The following JARID2 variants were observed in gnomAD, a reference collection of about 807,000 sequenced individuals.
JARID2 encodes the protein protein Jumonji.
Under a neutral mutation model 125.6 loss-of-function variants are expected in JARID2, and 21 were observed. The observed-to-expected ratio is 0.17, with a 90% confidence interval of 0.12 to 0.24. The LOEUF (loss-of-function observed/expected upper bound fraction) is 0.24. JARID2 is among the 10% of genes least tolerant of loss of function. The pLI, the probability that JARID2 is intolerant of heterozygous loss-of-function variation, is 1.00. For synonymous variants in JARID2, 736 were observed against 661.6 expected, an observed-to-expected ratio of 1.11 and a Z score of -1.73; for missense variants, 1,303 against 1,639.6, an observed-to-expected ratio of 0.79 and a Z score of 3.55.
intron 2 of JARID2, among the ~76,000 whole-genome samples, chr6:15,394,096 T>C (rs1473259569): frequency 6.6e-6 from 1 of 152,156 alleles, no homozygotes; most frequent in East Asian, 1.9e-4. Context: ...GATCTCATAA[T>C]TTATTGTAAA....
intron 3 of JARID2, among the ~76,000 whole-genome samples, chr6:15,449,404 G>T (rs1038014672): frequency 3.3e-5 from 5 of 152,072 alleles, no homozygotes; most frequent in African/African-American, 1.2e-4. Context: ...CCAACACTTT[G>T]GGAGGCCAAG....
chr6:15,293,760 G>A (rs981683639), intron 1 of JARID2, among the ~76,000 whole-genome samples: 1 of 152,198 alleles, frequency 6.6e-6, no homozygotes, highest in Non-Finnish European at 1.5e-5. Flanking sequence ...GTGTCTCCCT[G>A]TTTCAGAATC....
At chr6:15,255,293 CGGGGTTTCA>C (rs1479080904) in intron 1 of JARID2, among the ~76,000 whole-genome samples, 2 of 151,870 alleles carry the variant, frequency 1.3e-5, no homozygotes, top group Non-Finnish European at 2.9e-5. Context: ...TTAGTAGAGA[CGGGGTTTCA>C]CCCTGTTGGC....
At chr6:15,476,869 T>C (rs1478144854) in intron 5 of JARID2, among the ~76,000 whole-genome samples, 1 of 152,206 alleles carries the variant, frequency 6.6e-6, no homozygotes, top group Non-Finnish European at 1.5e-5. Context: ...TAAGCTCTCA[T>C]AATTGGTTAT....
intron 1 of JARID2, among the ~76,000 whole-genome samples, chr6:15,305,594 G>T (rs564144530): frequency 6.6e-6 from 1 of 152,174 alleles, no homozygotes; most frequent in Non-Finnish European, 1.5e-5. Flanking sequence ...ATGTGGTTCT[G>T]ATGTGTGAGT....
At chr6:15,328,829 G>GGGT (rs1554124490) in intron 1 of JARID2, among the ~76,000 whole-genome samples, 1 of 152,220 alleles carries the variant, frequency 6.6e-6, no homozygotes, top group Non-Finnish European at 1.5e-5. Context: ...GCTGCAGGAA[G>GGGT]GGTACCTGTC....
chr6:15,432,372 G>A (rs1285083894), intron 3 of JARID2, among the ~76,000 whole-genome samples: 1 of 152,154 alleles, frequency 6.6e-6, no homozygotes, highest in African/African-American at 2.4e-5. Context: ...AGGTGGCAGT[G>A]AGCTGAGATT....
At chr6:15,365,733 C>G (rs963969198) in intron 1 of JARID2, among the ~76,000 whole-genome samples, 1 of 152,000 alleles carries the variant, frequency 6.6e-6, no homozygotes, top group Non-Finnish European at 1.5e-5. Context: ...TTACCCTAAC[C>G]TGGGAAGCAT....
At chr6:15,346,006 C>T (rs757705105) in intron 1 of JARID2, among the ~76,000 whole-genome samples, 1 of 152,178 alleles carries the variant, frequency 6.6e-6, no homozygotes, top group Non-Finnish European at 1.5e-5. Context: ...GTTTTGTTGT[C>T]GTTCAGCTGT....
chr6:15,435,842 T>G (rs576150725), intron 3 of JARID2, among the ~76,000 whole-genome samples: 123 of 152,004 alleles, frequency 8.1e-4, no homozygotes, highest in Non-Finnish European at 1.4e-3. Flanking sequence ...TTTTTTAAAC[T>G]TTGAACTTCA....
chr6:15,429,699 A>C (rs1366357155), intron 3 of JARID2, among the ~76,000 whole-genome samples: 3 of 151,852 alleles, frequency 2.0e-5, no homozygotes, highest in African/African-American at 7.3e-5. Flanking sequence ...TGAAGTAAAA[A>C]CCCATTGGAT....
chr6:15,488,405 C>T (rs77561108), intron 6 of JARID2, among the ~76,000 whole-genome samples: 2,449 of 152,302 alleles, frequency 0.016, 68 homozygotes, highest in African/African-American at 0.055. Context: ...TTTTAACATC[C>T]GCTAAGTCAT....
chr6:15,508,781 T>C (rs1415385444), intron 12 of JARID2, among the ~76,000 whole-genome samples: 1 of 152,224 alleles, frequency 6.6e-6, no homozygotes, highest in East Asian at 1.9e-4. Context: ...TTTTGTTTTG[T>C]TTCGTTTTGT....
chr6:15,456,194 T>G (rs745812723), intron 4 of JARID2, among the ~76,000 whole-genome samples: 24 of 152,210 alleles, frequency 1.6e-4, no homozygotes, highest in Non-Finnish European at 3.1e-4. Context: ...TTTCTGAGGT[T>G]CTGGGAAACC....
intron 5 of JARID2, among the ~76,000 whole-genome samples, chr6:15,475,965 C>CA (rs1769323075): frequency 6.6e-6 from 1 of 152,170 alleles, no homozygotes; most frequent in African/African-American, 2.4e-5. Flanking sequence ...TAATCTTTCA[C>CA]AAGCGAAAGG....
intron 3 of JARID2, among the ~76,000 whole-genome samples, chr6:15,426,061 T>C (rs1766712404): frequency 6.6e-6 from 1 of 152,144 alleles, no homozygotes; most frequent in Non-Finnish European, 1.5e-5. Context: ...TCTGTGAACA[T>C]GGTAGCTGGG....
chr6:15,367,613 C>T (rs1377764283), intron 1 of JARID2, among the ~76,000 whole-genome samples: 1 of 152,186 alleles, frequency 6.6e-6, no homozygotes, highest in Non-Finnish European at 1.5e-5. Flanking sequence ...ACCAATGCCA[C>T]ATTTGCGTCA....
intron 16 of JARID2, among the ~76,000 whole-genome samples, chr6:15,515,748 C>CT (rs977044785): frequency 6.8e-5 from 7 of 102,482 alleles, no homozygotes; most frequent in Admixed American, 6.2e-4. Context: ...CAACCTGTCT[C>CT]TTTAAAAAAA....
chr6:15,465,451 A>G (rs1768673660), intron 4 of JARID2, among the ~76,000 whole-genome samples: 1 of 152,172 alleles, frequency 6.6e-6, no homozygotes, highest in Admixed American at 6.5e-5. Flanking sequence ...TTCTTGTCTC[A>G]AACAATATCT....
Sources: gnomAD v4.1 joint callset for allele counts (sites outside exome capture counted in the v4.1 genomes callset) on GRCh38, gnomAD v4.1.1 for gene constraint, MANE v1.5 for transcripts, NCBI Gene and HGNC (gene_info 2026-07-23, HGNC 2026-07-21) for gene names.